Variants in CASS4 observed in about 807,000 individuals in gnomAD.
CASS4 encodes the protein cas scaffolding protein family member 4.
Under a neutral mutation model 54.2 loss-of-function variants are expected in CASS4, and 22 were observed. That is an observed-to-expected ratio of 0.41 (90% CI 0.29 to 0.58). The LOEUF (loss-of-function observed/expected upper bound fraction) is 0.58. CASS4 is among the 20% of genes least tolerant of loss of function. The pLI is 0.36. For missense variants in CASS4, 854 were observed against 986.7 expected, an observed-to-expected ratio of 0.87 and a Z score of 1.80; for synonymous variants, 409 against 391.5, an observed-to-expected ratio of 1.04 and a Z score of -0.53.
chr20:56,449,045 G>A (rs113221226), intron 3 of CASS4, among the ~76,000 whole-genome samples: 8,927 of 152,282 alleles, frequency 0.059, 365 homozygotes, highest in Middle Eastern at 0.16. Flanking sequence ...GTGGAAGACA[G>A]TGTGGTGATT....
At position 56,437,832 on chromosome 20, in the gene CASS4, C is replaced by G. The variant is rs933306763; in HGVS notation, c.459+246C>G. On this transcript the variant is annotated intron_variant, in intron 2 of 5. Coordinates refer to ENST00000679887, the MANE Select transcript of CASS4 (RefSeq NM_020356.4). The surrounding 1 kb of genome is among the most constrained non-coding windows in gnomAD (Gnocchi z 4.7). ...CCAGCTCTCCAAGGCTGGGCACACT[C>G]TGTGGGAAATGGAATGCTTAGCTGA... 6.6e-6 allele frequency among the ~76,000 whole-genome samples: 1 copy of G among 152,126 alleles called. No homozygotes were observed. Among genetic ancestry groups the G allele is most frequent in the African/African-American group, 2.4e-5 (1 of 41,426 alleles).
At position 56,445,800 on chromosome 20, in the gene CASS4, C is replaced by T. The variant is rs1280724352; in HGVS notation, c.460-100C>T. 3.3e-6 allele frequency: 3 copies of T among 901,940 alleles called. No individual in the cohort carries two copies. The East Asian group carries it at 7.8e-5, about 23-fold the overall frequency. 55.9% of individuals were successfully genotyped at this position (901,940 alleles called of 1,614,324 possible). On this transcript the variant is annotated intron_variant, in intron 2 of 5. Transcript: ENST00000679887. ...TGCCGGGCGACCCCTTCAGCAGTATCCACCCAGCTGTCTCTGCTTTTGGAG... is the reference window on the plus strand; with the variant it reads ...TGCCGGGCGACCCCTTCAGCAGTATTCACCCAGCTGTCTCTGCTTTTGGAG...
At chr20:56,417,463 C>T (rs1355670308) in intron 1 of CASS4, among the ~76,000 whole-genome samples, 1 of 152,096 alleles carries the variant, frequency 6.6e-6, no homozygotes, top group Non-Finnish European at 1.5e-5. Flanking sequence ...CACAGGCCCA[C>T]CGCCAACACT....
intron 5 of CASS4, among the ~76,000 whole-genome samples, chr20:56,457,841 C>A (rs1014937255): frequency 2.6e-5 from 4 of 151,696 alleles, no homozygotes; most frequent in Non-Finnish European, 5.9e-5. Flanking sequence ...ATGGTGAAAC[C>A]CCATTTCTGC....
At chr20:56,418,910 G>T (rs1979276093) in intron 1 of CASS4, among the ~76,000 whole-genome samples, 1 of 152,176 alleles carries the variant, frequency 6.6e-6, no homozygotes, top group South Asian at 2.1e-4. Flanking sequence ...TAATTATTAT[G>T]ACTAATAAAA....
Position 56,458,517 on chromosome 20 carries a change from A to G in CASS4, c.2131A>G (p.Met711Val). Reference protein sequence around the residue: ...EIITQSKLVIMVGQKLVDTLC... With the variant: ...EIITQSKLVIVVGQKLVDTLC... ...CATCACTCAGAGCAAGCTGGTCATC[A>G]TGGTGGGACAGAAGCTGGTGGACAC... The change falls in exon 6 of 6, where the codon ATG (methionine) becomes GTG (valine). Residue 711 changes from methionine (M) to valine (V), a missense_variant. Physicochemically the swap from Met to Val is conservative, Grantham distance 21. Transcript: ENST00000679887. 2 of 1,614,126 alleles carry G rather than the reference A, an allele frequency of 1.2e-6. No homozygotes were observed. Among genetic ancestry groups the G allele is most frequent in the South Asian group, 1.1e-5 (1 of 91,082 alleles).
intron 2 of CASS4, among the ~76,000 whole-genome samples, chr20:56,440,182 G>A (rs934812889): frequency 6.6e-6 from 1 of 152,182 alleles, no homozygotes; most frequent in African/African-American, 2.4e-5. Flanking sequence ...AGCTGGTGGC[G>A]CCTTCTGAAG....
chr20:56,430,761 G>A lies in CASS4; in HGVS notation c.37-6403G>A, dbSNP rs979965893. Among the ~76,000 whole-genome samples, 3 of 152,180 alleles carry A rather than the reference G, an allele frequency of 2.0e-5. No homozygotes were observed. The highest frequency in any genetic ancestry group is 2.0e-4 in the Admixed American group (3 of 15,280). ...GGCAGCCTCTGCAAAGGGGTGACTC[G>A]AGCTGAGACCCAGAGGAGGAGGATC... On this transcript the variant is annotated intron_variant, in intron 1 of 5. Coordinates refer to ENST00000679887, the MANE Select transcript of CASS4 (RefSeq NM_020356.4). The surrounding 1 kb of genome is among the most constrained non-coding windows in gnomAD (Gnocchi z 4.2).
At chr20:56,446,612 A>T (rs968618049) in intron 3 of CASS4, among the ~76,000 whole-genome samples, 4 of 152,100 alleles carry the variant, frequency 2.6e-5, no homozygotes, top group African/African-American at 9.7e-5. Context: ...TGATCAAAAA[A>T]TAGCTTTGCT....
At chr20:56,438,562 T>C (rs1429287529) in intron 2 of CASS4, among the ~76,000 whole-genome samples, 4 of 150,854 alleles carry the variant, frequency 2.7e-5, no homozygotes, top group Admixed American at 2.0e-4. Flanking sequence ...CAAACAGATA[T>C]AAACTCAAAA....
rs11355939 is a variant in CASS4 at position 56,458,014 on chromosome 20, CAA to C, written c.1954-305_1954-304del. 6.8e-3 allele frequency among the ~76,000 whole-genome samples: 520 copies of C among 76,492 alleles called. 3 individuals carry two copies. The highest frequency in any genetic ancestry group is 0.033 in the East Asian group (109 of 3,268). The allele number at this position is 76,492 out of a possible 152,430, so 50.2% of individuals were successfully genotyped here. On this transcript the variant is annotated intron_variant, in intron 5 of 5. Transcript: ENST00000679887. ...TGGAAGATAAAGGAAAACTCTGTCTCAAAAAAAAAAAAAAAAAAAAAAGTTAT... is the reference window on the plus strand; with the variant it reads ...TGGAAGATAAAGGAAAACTCTGTCTCAAAAAAAAAAAAAAAAAAAAGTTAT...
rs759955848 is a variant in CASS4 at position 56,452,331 on chromosome 20, C to T, written c.1155C>T (p.Ser385=). ...CGGGCCATAATTCCTCATGGTTCTC[C>T]AGACGGACAACTTCCCCATCTCCTG... ...NSAGHNSSWF[S]RRTTSPSPEP... The change falls in exon 5 of 6, where the codon TCC becomes TCT. Residue 385 remains serine (S), a synonymous_variant. Coordinates refer to ENST00000679887, the MANE Select transcript of CASS4 (RefSeq NM_020356.4). The T allele has an allele frequency of 1.2e-6, 2 of 1,613,926 alleles. No homozygotes were observed. The highest frequency in any genetic ancestry group is 1.7e-6 in the Non-Finnish European group (2 of 1,180,038).
chr20:56,429,051 T>G (rs1979775348), intron 1 of CASS4, among the ~76,000 whole-genome samples: 1 of 152,138 alleles, frequency 6.6e-6, no homozygotes, highest in Non-Finnish European at 1.5e-5. Context: ...GTGGGTGCAG[T>G]CACCCGGGCA....
chr20:56,450,805 G>A (rs545954619), intron 4 of CASS4, 126 bp downstream of exon 4: 1 of 785,146 alleles, frequency 1.3e-6, no homozygotes, highest in South Asian at 1.6e-5. Flanking sequence ...AGGCCGAGGT[G>A]AGTGCATCAC....
intron 4 of CASS4, 76 bp from the exon 5 acceptor site, chr20:56,451,743 G>A (rs1234138202): frequency 5.7e-6 from 6 of 1,060,466 alleles, no homozygotes; most frequent in African/African-American, 3.2e-5. Context: ...GCGGAGTGAC[G>A]ATGAGATTTA....
intron 3 of CASS4, 140 bp downstream of exon 3, chr20:56,446,141 A>T (rs1980703016): frequency 1.7e-6 from 1 of 576,694 alleles, no homozygotes; most frequent in Non-Finnish European, 3.1e-6. Flanking sequence ...CACCACTCAG[A>T]GGCCAACTTC....
At chr20:56,426,399 C>T (rs1444682808) in intron 1 of CASS4, among the ~76,000 whole-genome samples, 5 of 152,148 alleles carry the variant, frequency 3.3e-5, no homozygotes, top group African/African-American at 4.8e-5. Context: ...ATTCCCGAGG[C>T]GTTGGCTAAA....
rs147868938 is a variant in CASS4 at position 56,457,160 on chromosome 20, A to G, written c.1954-1180A>G. 3.3e-3 allele frequency among the ~76,000 whole-genome samples: 509 copies of G among 152,294 alleles called. 1 individual carries two copies. Among genetic ancestry groups the G allele is most frequent in the African/African-American group, 0.012 (494 of 41,552 alleles). ...CTCTTCCTTGTCTAACTTCCCCTCC[A>G]ACCCTACTAGGAGACATAACCCCCT... On this transcript the variant is annotated intron_variant, in intron 5 of 5. Transcript: ENST00000679887.
Position 56,437,671 on chromosome 20 carries a change from C to G in CASS4, c.459+85C>G, listed in dbSNP as rs1455306380. 2.4e-6 allele frequency: 3 copies of G among 1,249,034 alleles called. No individual in the cohort carries two copies. The African/African-American group carries it at 4.6e-5, about 19-fold the overall frequency. 77.4% of individuals were successfully genotyped at this position (1,249,034 alleles called of 1,614,324 possible). ...AACTACCTCTTGAGGCATGGGTGTC[C>G]TTCAGATCAAACACGCAAAACGGGA... On this transcript the variant is annotated intron_variant, in intron 2 of 5. Coordinates refer to ENST00000679887, the MANE Select transcript of CASS4 (RefSeq NM_020356.4). This position sits in a 1 kb window ranked among gnomAD's most constrained non-coding sequence, Gnocchi z 4.7.
Sources: allele counts gnomAD v4.1 joint callset (sites outside exome capture counted in the v4.1 genomes callset), GRCh38; gene constraint gnomAD v4.1.1; non-coding constraint Gnocchi (gnomAD v3.1); transcripts MANE v1.5; gene names NCBI Gene and HGNC (gene_info 2026-07-23, HGNC 2026-07-21).